The following ABCB11 variants were observed in gnomAD, a reference collection of about 807,000 sequenced individuals.
ABCB11 encodes ATP binding cassette subfamily B member 11, also known as bile salt export pump.
Under a neutral mutation model 148.0 loss-of-function variants are expected in ABCB11, and 95 were observed. The ratio of observed to expected loss-of-function variants is 0.64; its 90% CI spans 0.54 to 0.76. ABCB11 has a LOEUF of 0.76. Among genes scored for constraint, ABCB11 ranks in the 30% least tolerant of loss-of-function variants. The pLI, the probability that ABCB11 is intolerant of heterozygous loss-of-function variation, is 0.00. For synonymous variants in ABCB11, 591 were observed against 555.4 expected, an observed-to-expected ratio of 1.06 and a Z score of -0.90; for missense variants, 1,523 against 1,617.8, an observed-to-expected ratio of 0.94 and a Z score of 1.01.
chr2:168,927,205 G>A lies in ABCB11; in HGVS notation c.3569C>T (p.Ala1190Val). ...TKEIPMERVI[A>V]AAKQAQLHDF... Reference sequence around the variant, plus strand: ...ATGCAGCTGAGCCTGTTTTGCAGCTGCTATGACTCTTTCCATGGGAATTTC... The same window carrying A: ...ATGCAGCTGAGCCTGTTTTGCAGCTACTATGACTCTTTCCATGGGAATTTC... Residue 1190 changes from alanine (A) to valine (V), a missense_variant, in exon 26 of 28, where the codon GCA becomes GTA. Coordinates refer to ENST00000650372, the MANE Select transcript of ABCB11 (RefSeq NM_003742.4). 7 of 1,613,804 alleles carry A rather than the reference G, an allele frequency of 4.3e-6. No homozygotes were observed. The highest frequency in any genetic ancestry group is 5.9e-6 in the Non-Finnish European group (7 of 1,179,768).
rs951710275 is a variant in ABCB11 at position 168,920,976 on chromosome 2, T to G, written c.*2646A>C. On this transcript the variant is annotated 3_prime_UTR_variant, in exon 28 of 28. Coordinates refer to ENST00000650372, the MANE Select transcript of ABCB11 (RefSeq NM_003742.4). ...TCCTCTTTCAGACTCCATAAATTCCTTTCCAGGAAACTGGCCACCTCCCAG... is the reference window on the plus strand; with the variant it reads ...TCCTCTTTCAGACTCCATAAATTCCGTTCCAGGAAACTGGCCACCTCCCAG... 6.6e-6 allele frequency among the ~76,000 whole-genome samples: 1 copy of G among 152,216 alleles called. No homozygotes were observed. Among genetic ancestry groups the G allele is most frequent in the Non-Finnish European group, 1.5e-5 (1 of 68,036 alleles).
chr2:168,990,990 TC>T, intron 8 of ABCB11, 65 bp from the exon 9 acceptor site: 1 of 1,550,378 alleles, frequency 6.5e-7, no homozygotes, highest in Non-Finnish European at 8.8e-7. Context: ...AGTCTGTCAT[TC>T]AGATTCATTT....
rs189284949 is a variant in ABCB11, at chr2:168,995,034, C to G, written c.611+315G>C. Among the ~76,000 whole-genome samples, 582 of 152,128 alleles carry G rather than the reference C, an allele frequency of 3.8e-3. 2 individuals carry two copies. Among genetic ancestry groups the G allele is most frequent in the Admixed American group, 8.0e-3 (122 of 15,238 alleles). ...CCTGGGTGGCTGTTAATGACCTAAA[C>G]TAGGTGTAAACTGGATTTAAATCCA... On this transcript the variant is annotated intron_variant, in intron 7 of 27. Transcript: ENST00000650372.
rs1558898901 is a variant in ABCB11 at position 168,973,784 on chromosome 2, T to A, written c.1365A>T (p.Gly455=). Residue 455 remains glycine, a synonymous_variant, in exon 13 of 28, where the codon GGA becomes GGT. Transcript: ENST00000650372. ...CTGTACTTTTTCCAGCTCCACTGGG[T>A]CCTACCAGAGCTGTCATTTCCCCTG... is the stretch of plus-strand genomic sequence containing the variant. ...IKPGEMTALV[G]PSGAGKSTAL... The A allele has an allele frequency of 6.2e-7, 1 of 1,612,252 alleles. No homozygotes were observed. The highest frequency in any genetic ancestry group is 8.5e-7 in the Non-Finnish European group (1 of 1,178,668).
intron 21 of ABCB11, among the ~76,000 whole-genome samples, chr2:168,940,457 A>G (rs952408162): frequency 6.6e-6 from 1 of 152,124 alleles, no homozygotes; most frequent in Non-Finnish European, 1.5e-5. Flanking sequence ...CTAATTCAGA[A>G]CAAGGCCCTA....
intron 5 of ABCB11, among the ~76,000 whole-genome samples, chr2:168,998,050 C>A (rs916531903): frequency 6.6e-6 from 1 of 151,902 alleles, no homozygotes; most frequent in African/African-American, 2.4e-5. Context: ...TAAGAAGAAC[C>A]CTGAGATGAA....
chr2:168,939,296 T>C (rs1282427087), intron 21 of ABCB11, among the ~76,000 whole-genome samples: 1 of 152,100 alleles, frequency 6.6e-6, no homozygotes. Flanking sequence ...AAAGCAACTC[T>C]AAAGTTTTTG....
At chr2:169,014,145 T>C (rs902938365) in intron 4 of ABCB11, among the ~76,000 whole-genome samples, 158 bp downstream of exon 4, 9 of 152,218 alleles carry the variant, frequency 5.9e-5, no homozygotes, top group African/African-American at 2.2e-4. Context: ...TTTCTAATAG[T>C]TATTCAGCAT....
intron 18 of ABCB11, among the ~76,000 whole-genome samples, chr2:168,962,786 T>C (rs1387104012): frequency 6.6e-6 from 1 of 151,718 alleles, no homozygotes; most frequent in East Asian, 2.0e-4. Flanking sequence ...ATGAAATAGC[T>C]ATTTCTAGAA....
chr2:168,944,467 A>G (rs1174234758), intron 21 of ABCB11, 138 bp downstream of exon 21: 1 of 897,872 alleles, frequency 1.1e-6, no homozygotes. Flanking sequence ...TGTTAGAAGC[A>G]GTGGAAAATG....
intron 21 of ABCB11, among the ~76,000 whole-genome samples, chr2:168,943,185 G>A (rs1225133033): frequency 1.3e-5 from 2 of 151,914 alleles, no homozygotes; most frequent in African/African-American, 4.8e-5. Context: ...AAAAATAGAA[G>A]AGATAAGATT....
intron 12 of ABCB11, among the ~76,000 whole-genome samples, chr2:168,975,561 T>TCAA (rs1558901220): frequency 7.8e-6 from 1 of 127,510 alleles, no homozygotes; most frequent in Non-Finnish European, 1.6e-5. Flanking sequence ...ACATAAATAT[T>TCAA]TTTATATTTA....
At chr2:168,955,829 A>G (rs947966440) in intron 19 of ABCB11, among the ~76,000 whole-genome samples, 4 of 151,696 alleles carry the variant, frequency 2.6e-5, no homozygotes, top group Non-Finnish European at 4.4e-5. Flanking sequence ...CTTCCCAGAT[A>G]AAATGGGGGT....
chr2:168,920,404 T>C (rs518598), downstream of ABCB11, among the ~76,000 whole-genome samples: 110,598 of 151,800 alleles, frequency 0.73, 40,880 homozygotes, highest in East Asian at 0.95. Context: ...TAAACTCTCT[T>C]GAACTAGACT....
chr2:168,923,249 C>G lies in ABCB11; in HGVS notation c.*373G>C. Reference sequence around the variant, plus strand: ...GAGGGTTCAAAAATGAAAGACAGTTCTCTGCCCTTGAGGAGTTCAAAGTGT... The same window carrying G: ...GAGGGTTCAAAAATGAAAGACAGTTGTCTGCCCTTGAGGAGTTCAAAGTGT... On this transcript the variant is annotated 3_prime_UTR_variant, in exon 28 of 28. Coordinates refer to ENST00000650372, the MANE Select transcript of ABCB11 (RefSeq NM_003742.4). 1 of 245,968 alleles carries G rather than the reference C, an allele frequency of 4.1e-6. No individual in the cohort carries two copies. The highest frequency in any genetic ancestry group is 8.7e-5 in the East Asian group (1 of 11,444). 15.2% of individuals were successfully genotyped at this position (245,968 alleles called of 1,614,324 possible). A position where few individuals can be genotyped will look rare whatever the true frequency, so the allele number is the denominator to read the frequency against.
intron 14 of ABCB11, among the ~76,000 whole-genome samples, chr2:168,971,584 C>T (rs182794388): frequency 6.6e-6 from 1 of 151,980 alleles, no homozygotes; most frequent in African/African-American, 2.4e-5. Context: ...AAGATAGTTC[C>T]CCAGTTTGGT....
intron 3 of ABCB11, among the ~76,000 whole-genome samples, chr2:169,015,226 A>G (rs1232482220): frequency 6.6e-6 from 1 of 152,098 alleles, no homozygotes; most frequent in African/African-American, 2.4e-5. Context: ...TCATCCTTGT[A>G]AACTTCATCC....
chr2:168,958,007 G>A lies in ABCB11; in HGVS notation c.2300C>T (p.Thr767Ile), dbSNP rs1267480886. 5 of 1,608,922 alleles carry A rather than the reference G, an allele frequency of 3.1e-6. No homozygotes were observed. The highest frequency in any genetic ancestry group is 1.1e-5 in the South Asian group (1 of 90,774). ...VGSVGAAVNG[T>I]VTPLYAFLFS... ...TAAAAAGGCATACAAGGGTGTGACT[G>A]TCCCGTTCACAGCTGCACCCACAGA... The change falls in exon 19 of 28, where the codon ACA becomes ATA. Residue 767 changes from threonine (T) to isoleucine (I), a missense_variant. By Grantham distance (89) the Thr-to-Ile change is moderately conservative (BLOSUM62 -1). Coordinates refer to ENST00000650372, the MANE Select transcript of ABCB11 (RefSeq NM_003742.4).
chr2:168,966,760 A>G (rs1693338082), intron 17 of ABCB11, among the ~76,000 whole-genome samples: 1 of 151,920 alleles, frequency 6.6e-6, no homozygotes, highest in South Asian at 2.1e-4. Context: ...CGACAACAAG[A>G]AAAATCCGTC....
Sources: allele counts gnomAD v4.1 joint callset (sites outside exome capture counted in the v4.1 genomes callset), GRCh38; gene constraint gnomAD v4.1.1; transcripts MANE v1.5; gene names NCBI Gene and HGNC (gene_info 2026-07-23, HGNC 2026-07-21).